Variants in SLC20A2 observed in about 807,000 individuals in gnomAD.
SLC20A2 encodes sodium-dependent phosphate transporter 2.
A neutral mutation model predicts 61.0 loss-of-function variants in SLC20A2; 30 were observed. The observed-to-expected ratio is 0.49, with a 90% CI of 0.37 to 0.67. SLC20A2 has a LOEUF of 0.67. SLC20A2 is among the 30% of genes least tolerant of loss of function. The probability of loss-of-function intolerance (pLI) is 0.00; values close to 1 mark genes in which losing one functional copy is unlikely to be tolerated. For missense variants in SLC20A2, 626 were observed against 866.4 expected (o/e 0.72, Z 3.48); for synonymous variants, 351 against 353.3 (o/e 0.99, Z 0.07).
chr8:42,517,445 CT>C (rs917177600), intron 1 of SLC20A2, among the ~76,000 whole-genome samples: 3 of 151,638 alleles, frequency 2.0e-5, no homozygotes, highest in African/African-American at 4.8e-5. Context: ...CTTAGAGTAC[CT>C]TACAGGTTTT....
intron 1 of SLC20A2, among the ~76,000 whole-genome samples, chr8:42,514,542 G>C (rs1227319113): frequency 6.6e-6 from 1 of 152,160 alleles, no homozygotes; most frequent in Non-Finnish European, 1.5e-5. Flanking sequence ...TGGATCATTT[G>C]AGGTCAGGAG....
chr8:42,497,717 T>G (rs1179522409), intron 1 of SLC20A2, among the ~76,000 whole-genome samples: 1 of 151,728 alleles, frequency 6.6e-6, no homozygotes, highest in Non-Finnish European at 1.5e-5. Context: ...TCAATTGGTT[T>G]TTTTTTTTTT....
intron 5 of SLC20A2, among the ~76,000 whole-genome samples, chr8:42,450,869 A>G (rs1805587214): frequency 6.6e-6 from 1 of 152,162 alleles, no homozygotes; most frequent in Non-Finnish European, 1.5e-5. Flanking sequence ...TAATTTTGAA[A>G]ATGAGGTGAA....
chr8:42,437,215 A>T lies in SLC20A2; in HGVS notation c.1297T>A (p.Tyr433Asn). 6.2e-7 allele frequency: 1 copy of T among 1,613,772 alleles called. No homozygotes were observed. The highest frequency in any genetic ancestry group is 8.5e-7 in the Non-Finnish European group (1 of 1,180,024). The change falls in exon 8 of 11, where the codon TAC becomes AAC. Residue 433 changes from tyrosine to asparagine, a missense_variant. Around this residue, in one of 3 missense-constraint regions of SLC20A2, gnomAD observed 361 missense variants for 422.3 expected, o/e 0.85. Coordinates refer to ENST00000520262, the MANE Select transcript of SLC20A2 (RefSeq NM_001257180.2). The surrounding 1 kb of genome is among the most constrained non-coding windows in gnomAD (Gnocchi z 6.4). The part of the protein sequence containing the change: ...YSKKRLRYDS[Y>N]SSYCNAVAEA... The stretch of plus-strand genomic sequence containing the variant: ...GCCACCGCGTTACAGTAGCTCGAGT[A>T]GCTGTCGTAGCGCAGCCTCTTCTTG...
At chr8:42,427,213 CT>C (rs1440461721) in intron 10 of SLC20A2, among the ~76,000 whole-genome samples, 1 of 152,236 alleles carries the variant, frequency 6.6e-6, no homozygotes, top group African/African-American at 2.4e-5. Context: ...CGTTACTTAA[CT>C]TTCCTCTGCC....
Position 42,444,661 on chromosome 8 carries a change from G to T in SLC20A2, c.715C>A (p.Arg239=). The part of the protein sequence containing the change: ...FVWLFVCPWM[R]RKITGKLQKE... The stretch of plus-strand genomic sequence containing the variant: ...AGGCCCATACCTGTTATTTTCCTCC[G>T]CATCCACGGACACACGAAGAGCCAC... The change falls in exon 6 of 11, where the codon CGG becomes AGG. Residue 239 remains arginine (R), a synonymous_variant. Coordinates refer to ENST00000520262, the MANE Select transcript of SLC20A2 (RefSeq NM_001257180.2). The T allele has an allele frequency of 1.9e-6, 3 of 1,613,038 alleles. No individual in the cohort carries two copies. The Admixed American group carries it at 5.0e-5, about 27-fold the overall frequency.
intron 1 of SLC20A2, among the ~76,000 whole-genome samples, chr8:42,488,086 A>G (rs1271130951): frequency 1.3e-5 from 2 of 151,422 alleles, no homozygotes; most frequent in African/African-American, 2.4e-5. Flanking sequence ...AGACCAAGTA[A>G]TATTTCCTTG....
intron 4 of SLC20A2, among the ~76,000 whole-genome samples, chr8:42,462,367 T>C (rs542747964): frequency 4.6e-5 from 7 of 152,298 alleles, no homozygotes; most frequent in African/African-American, 1.2e-4. Flanking sequence ...AGGTACAACC[T>C]GGAGGGTACG....
chr8:42,466,382 G>A (rs189716315), intron 2 of SLC20A2, among the ~76,000 whole-genome samples: 26 of 152,218 alleles, frequency 1.7e-4, no homozygotes, highest in Admixed American at 1.4e-3. Context: ...CATTGTGTCC[G>A]GCCAGATTAT....
At chr8:42,458,875 C>T (rs1806434507) in intron 5 of SLC20A2, among the ~76,000 whole-genome samples, 1 of 150,190 alleles carries the variant, frequency 6.7e-6, no homozygotes, top group African/African-American at 2.5e-5. Flanking sequence ...CGCCACTGCA[C>T]TCCAGCCTGG....
intron 9 of SLC20A2, 36 bp from the exon 10 acceptor site, chr8:42,428,878 T>C (rs375852022): frequency 9.2e-6 from 14 of 1,517,686 alleles, no homozygotes; most frequent in Middle Eastern, 1.7e-4. Context: ...ACAGGTGCCC[T>C]CTGTATCAGC....
chr8:42,527,797 T>G (rs1812073331), intron 1 of SLC20A2, among the ~76,000 whole-genome samples: 1 of 151,698 alleles, frequency 6.6e-6, no homozygotes, highest in Non-Finnish European at 1.5e-5. Flanking sequence ...AAGGAAAAAA[T>G]TTTGAATGAA....
chr8:42,507,798 G>C (rs1426455714), intron 1 of SLC20A2, among the ~76,000 whole-genome samples: 2 of 152,200 alleles, frequency 1.3e-5, no homozygotes, highest in African/African-American at 2.4e-5. Context: ...TAATTAGTAA[G>C]CATTCCAAAA....
At chr8:42,508,685 C>T (rs1490871746) in intron 1 of SLC20A2, among the ~76,000 whole-genome samples, 1 of 152,168 alleles carries the variant, frequency 6.6e-6, no homozygotes, top group Admixed American at 6.5e-5. Flanking sequence ...GCCACCACAC[C>T]CGGCCTGGGA....
chr8:42,461,996 C>G (rs1159867504), intron 4 of SLC20A2, among the ~76,000 whole-genome samples: 1 of 152,170 alleles, frequency 6.6e-6, no homozygotes, highest in Non-Finnish European at 1.5e-5. Context: ...GCAAGAAATG[C>G]AGCACCATAT....
At chr8:42,509,592 T>A (rs905745316) in intron 1 of SLC20A2, among the ~76,000 whole-genome samples, 82 of 151,578 alleles carry the variant, frequency 5.4e-4, no homozygotes, top group African/African-American at 1.9e-3. Context: ...AATTAAAAAT[T>A]AAAAATAAAA....
At chr8:42,507,561 T>C (rs1810784026) in intron 1 of SLC20A2, among the ~76,000 whole-genome samples, 1 of 152,260 alleles carries the variant, frequency 6.6e-6, no homozygotes, top group African/African-American at 2.4e-5. Context: ...ATTGGAATTC[T>C]CTTGGGGCTT....
intron 1 of SLC20A2, among the ~76,000 whole-genome samples, chr8:42,493,177 G>C (rs893751807): frequency 6.6e-6 from 1 of 152,182 alleles, no homozygotes; most frequent in African/African-American, 2.4e-5. Flanking sequence ...GTGGAAAGGG[G>C]GGCCTGCTTT....
intron 5 of SLC20A2, among the ~76,000 whole-genome samples, chr8:42,459,439 G>A (rs1806531212): frequency 6.6e-6 from 1 of 151,986 alleles, no homozygotes; most frequent in Admixed American, 6.6e-5. Context: ...AGCTCCGCTG[G>A]GCATTGCTGA....
Sources: gnomAD v4.1 joint callset for allele counts (sites outside exome capture counted in the v4.1 genomes callset) on GRCh38, gnomAD v4.1.1 for gene constraint, gnomAD v4.1.1 regional missense constraint, Gnocchi (gnomAD v3.1) non-coding constraint, MANE v1.5 for transcripts, NCBI Gene and HGNC (gene_info 2026-07-23, HGNC 2026-07-21) for gene names.